LUC7L2: variants seen among roughly 807,000 people sequenced by gnomAD.
LUC7L2 encodes putative RNA-binding protein Luc7-like 2.
LUC7L2 carries 25 observed loss-of-function variants against 52.8 expected under a neutral mutation model. The observed-to-expected ratio is 0.47, with a 90% confidence interval of 0.34 to 0.66. The LOEUF is 0.66. Ranked by LOEUF, LUC7L2 falls within the 30% of genes least tolerant of loss-of-function variation. The probability of loss-of-function intolerance (pLI) is 0.01; values close to 1 mark genes in which losing one functional copy is unlikely to be tolerated. For synonymous variants in LUC7L2, 144 were observed against 160.9 expected, an observed-to-expected ratio of 0.89 and a Z score of 0.80; for missense variants, 328 against 497.8, an observed-to-expected ratio of 0.66 and a Z score of 3.25.
upstream of LUC7L2, among the ~76,000 whole-genome samples, chr7:139,358,109 G>C (rs1799663692): frequency 6.6e-6 from 1 of 152,050 alleles, no homozygotes; most frequent in Admixed American, 6.6e-5. Flanking sequence ...CCGGGTTCAA[G>C]TGATTCTCCT....
chr7:139,400,425 C>T lies in LUC7L2; in HGVS notation c.256-1712C>T, dbSNP rs544182574. Among the ~76,000 whole-genome samples the T allele has an allele frequency of 2.6e-5, 4 of 152,316 alleles. No homozygotes were observed. In the South Asian group the frequency reaches 6.2e-4, roughly 24 times the overall value. Reference sequence around the variant, plus strand: ...TCAGGAGGCTGAGGCAGGAGAATCACTTGAACCCGGGAGTCAGGTTGCAGT... The same window carrying T: ...TCAGGAGGCTGAGGCAGGAGAATCATTTGAACCCGGGAGTCAGGTTGCAGT... On this transcript the variant is annotated intron_variant, in intron 3 of 9. Transcript: ENST00000354926.
At chr7:139,408,854 A>G (rs1179124643) in intron 6 of LUC7L2, among the ~76,000 whole-genome samples, 1 of 150,980 alleles carries the variant, frequency 6.6e-6, no homozygotes, top group Non-Finnish European at 1.5e-5. Flanking sequence ...AAAAAAAAAA[A>G]AAAAGTCATG....
At chr7:139,341,781 A>T (rs1420139735) in intron 1 of LUC7L2, among the ~76,000 whole-genome samples, 1 of 152,162 alleles carries the variant, frequency 6.6e-6, no homozygotes, top group Non-Finnish European at 1.5e-5. Context: ...ACCCGTCCCG[A>T]AGGATTTCAT....
chr7:139,405,701 C>A lies in LUC7L2; in HGVS notation c.424C>A (p.Gln142Lys). 2.5e-6 allele frequency: 4 copies of A among 1,612,296 alleles called. No homozygotes were observed. Among genetic ancestry groups the A allele is most frequent in the Non-Finnish European group, 3.4e-6 (4 of 1,179,298 alleles). The change falls in exon 5 of 10, where the codon CAA becomes AAA. Residue 142 changes from glutamine to lysine, a missense_variant. Transcript: ENST00000354926. ...EIGKLLAKVE[Q>K]LGAEGNVEES... The stretch of plus-strand genomic sequence containing the variant: ...TGGTAAATTGTTAGCCAAGGTGGAA[C>A]AACTAGGAGCTGAAGGGAATGTGGA...
chr7:139,375,896 T>C, intron 1 of LUC7L2, 166 bp from the exon 2 acceptor site: 1 of 636,364 alleles, frequency 1.6e-6, no homozygotes, highest in Non-Finnish European at 2.6e-6. Context: ...AACTGCATGT[T>C]GTCTAAAATA....
chr7:139,417,333 G>A (rs539484255), intron 8 of LUC7L2: 26 of 624,234 alleles, frequency 4.2e-5, no homozygotes, highest in East Asian at 9.9e-5. Context: ...GAGCCACGGC[G>A]CCTGGCTGAG....
At chr7:139,366,624 C>T (rs1467429779) in intron 1 of LUC7L2, among the ~76,000 whole-genome samples, 6 of 152,220 alleles carry the variant, frequency 3.9e-5, no homozygotes, top group Admixed American at 6.5e-5. Flanking sequence ...GCTGCTTTGG[C>T]TTACGACAGC....
At chr7:139,340,658 G>A (rs1047263654) in intron 1 of LUC7L2, 11 of 395,832 alleles carry the variant, frequency 2.8e-5, no homozygotes, top group Non-Finnish European at 4.4e-5. Context: ...TACCAAAGAG[G>A]AAAATAGTTG....
intron 1 of LUC7L2, among the ~76,000 whole-genome samples, chr7:139,349,153 C>G (rs552711043): frequency 6.6e-6 from 1 of 152,236 alleles, no homozygotes; most frequent in Admixed American, 6.5e-5. Flanking sequence ...GACTGTGTCT[C>G]GGAAACAAAC....
upstream of LUC7L2, among the ~76,000 whole-genome samples, chr7:139,358,700 T>A (rs1799702904): frequency 6.6e-6 from 1 of 152,268 alleles, no homozygotes; most frequent in Non-Finnish European, 1.5e-5. Flanking sequence ...AAGGAATTTT[T>A]TTTTTTAGAA....
chr7:139,350,633 A>G (rs1277704445), intron 1 of LUC7L2, among the ~76,000 whole-genome samples: 1 of 149,586 alleles, frequency 6.7e-6, no homozygotes, highest in Non-Finnish European at 1.5e-5. Context: ...ATTTGACACT[A>G]TGGGCAATTC....
In LUC7L2 at chr7:139,422,774, G is replaced by C. The variant is rs1795956844; in HGVS notation, c.*434G>C. 1 of 399,820 alleles carries C rather than the reference G, an allele frequency of 2.5e-6. No homozygotes were observed. 24.8% of individuals were successfully genotyped at this position (399,820 alleles called of 1,614,324 possible). A position where few individuals can be genotyped will look rare whatever the true frequency, so the allele number is the denominator to read the frequency against. On this transcript the variant is annotated 3_prime_UTR_variant, in exon 10 of 10. Transcript: ENST00000354926. ...TACACTCTCCAATTGTAAGAGAAAG[G>C]GGGCAGGGAAGCAATATAGCTTCCA...
intron 2 of LUC7L2, among the ~76,000 whole-genome samples, chr7:139,392,933 C>T (rs112487132): frequency 0.029 from 4,469 of 151,568 alleles, 232 homozygotes; most frequent in African/African-American, 0.1. Context: ...GAATTATAGG[C>T]GTGAGCAACT....
In LUC7L2 at chr7:139,412,463, AT is replaced by A; in HGVS notation, c.780-86del. 4 of 1,478,906 alleles carry A rather than the reference AT, an allele frequency of 2.7e-6. No homozygotes were observed. The Admixed American group carries it at 6.6e-5, about 25-fold the overall frequency. 91.6% of individuals were successfully genotyped at this position (1,478,906 alleles called of 1,614,324 possible). ...TTGTATTTATAAAATTAATGTAAAC[AT>A]TAGAAATCAGGAAGAATATAATGTA... On this transcript the variant is annotated intron_variant, in intron 7 of 9. Transcript: ENST00000354926.
intron 2 of LUC7L2, among the ~76,000 whole-genome samples, chr7:139,390,241 T>C (rs1250047134): frequency 2.1e-5 from 3 of 145,848 alleles, no homozygotes; most frequent in Admixed American, 6.9e-5. Context: ...CTCTCTCTCT[T>C]TTTTTCTTAT....
At chr7:139,403,609 C>G (rs1331100265) in intron 4 of LUC7L2, among the ~76,000 whole-genome samples, 1 of 152,106 alleles carries the variant, frequency 6.6e-6, no homozygotes, top group Non-Finnish European at 1.5e-5. Flanking sequence ...TCTGTAAGTG[C>G]TTGGTAGAGC....
intron 7 of LUC7L2, among the ~76,000 whole-genome samples, 174 bp downstream of exon 7, chr7:139,409,828 G>A (rs958502080): frequency 1.6e-4 from 24 of 152,176 alleles, no homozygotes; most frequent in Non-Finnish European, 2.2e-4. Flanking sequence ...TACAAGTATC[G>A]TAACTCTTGG....
intron 5 of LUC7L2, among the ~76,000 whole-genome samples, chr7:139,406,725 T>G (rs187953256): frequency 6.6e-6 from 1 of 152,310 alleles, no homozygotes; most frequent in African/African-American, 2.4e-5. Context: ...CTCTAAGTTG[T>G]ATTTATTGAT....
chr7:139,387,115 C>G (rs576915749), intron 2 of LUC7L2, among the ~76,000 whole-genome samples: 2 of 152,122 alleles, frequency 1.3e-5, no homozygotes, highest in Non-Finnish European at 2.9e-5. Context: ...GCTGGGATTA[C>G]AGGCATGAGC....
Sources: allele counts gnomAD v4.1 joint callset (sites outside exome capture counted in the v4.1 genomes callset), GRCh38; gene constraint gnomAD v4.1.1; transcripts MANE v1.5; gene names NCBI Gene and HGNC (gene_info 2026-07-23, HGNC 2026-07-21).